Variants in ACYP2 observed in about 807,000 individuals in gnomAD.
The protein encoded by ACYP2 is acylphosphatase 2.
Under a neutral mutation model 11.2 loss-of-function variants are expected in ACYP2, and 12 were observed. The ratio of observed to expected loss-of-function variants is 1.08; its 90% CI spans 0.69 to 1.74. ACYP2 has a LOEUF of 1.74. Among genes scored for constraint, ACYP2 ranks in the 40% most tolerant of loss-of-function variants. ACYP2 has a pLI of 0.00. For missense variants in ACYP2, 134 were observed against 101.9 expected (o/e 1.31, Z -1.35); for synonymous variants, 43 against 32.2 (o/e 1.33, Z -1.13).
chr2:54,072,563 CTTCT>C (rs1200656315), intron 4 of ACYP2, among the ~76,000 whole-genome samples: 5 of 57,972 alleles, frequency 8.6e-5, no homozygotes, highest in African/African-American at 3.1e-4. Context: ...TATTTTCTTT[CTTCT>C]TTTTTTTTTT....
chr2:53,975,666 A>T (rs1302441562), intron 2 of ACYP2, among the ~76,000 whole-genome samples: 2 of 152,126 alleles, frequency 1.3e-5, no homozygotes, highest in African/African-American at 4.8e-5. Context: ...CCCCGTCTCT[A>T]CTAAAAATAC....
intron 6 of ACYP2, among the ~76,000 whole-genome samples, chr2:54,249,850 A>G (rs1313098569): frequency 6.7e-6 from 1 of 149,854 alleles, no homozygotes; most frequent in Non-Finnish European, 1.5e-5. Context: ...TGGCTGAGGC[A>G]GATCACTTGA....
At chr2:54,149,314 A>T (rs1289735366) in intron 6 of ACYP2, among the ~76,000 whole-genome samples, 1 of 152,230 alleles carries the variant, frequency 6.6e-6, no homozygotes, top group East Asian at 1.9e-4. Context: ...CTCTGTCTTT[A>T]CTAACAAGCC....
At chr2:54,120,279 A>G (rs1680073358) in intron 4 of ACYP2, among the ~76,000 whole-genome samples, 1 of 152,212 alleles carries the variant, frequency 6.6e-6, no homozygotes. Context: ...GAGGGTTAAG[A>G]GAGCTGGGGA....
intron 6 of ACYP2, chr2:54,255,442 T>A: frequency 6.2e-7 from 1 of 1,613,904 alleles, no homozygotes; most frequent in Non-Finnish European, 8.5e-7. Context: ...CTGCTCCAGG[T>A]AGTATTCATG....
intron 4 of ACYP2, among the ~76,000 whole-genome samples, chr2:54,091,630 GC>G (rs1678238904): frequency 6.6e-6 from 1 of 151,906 alleles, no homozygotes; most frequent in South Asian, 2.1e-4. Context: ...TTCTGCATCA[GC>G]CTCCTGAGTA....
chr2:54,151,197 T>C (rs902076541), intron 6 of ACYP2, among the ~76,000 whole-genome samples: 2 of 152,248 alleles, frequency 1.3e-5, no homozygotes, highest in African/African-American at 2.4e-5. Context: ...ATATGAAATT[T>C]GAACACCTTT....
At chr2:54,145,501 T>C (rs191879322) in intron 6 of ACYP2, among the ~76,000 whole-genome samples, 4 of 152,242 alleles carry the variant, frequency 2.6e-5, no homozygotes, top group African/African-American at 9.6e-5. Flanking sequence ...TATGATGGGA[T>C]TTTCAAACAC....
intron 2 of ACYP2, among the ~76,000 whole-genome samples, chr2:53,993,804 A>G (rs1672423092): frequency 6.6e-6 from 1 of 152,188 alleles, no homozygotes; most frequent in Non-Finnish European, 1.5e-5. Context: ...AGGGTTGTGG[A>G]AAAGACGTGG....
chr2:54,243,470 T>C lies in ACYP2; in HGVS notation c.405-61218T>C, dbSNP rs964533711. 5.3e-5 allele frequency among the ~76,000 whole-genome samples: 8 copies of C among 151,906 alleles called. No individual in the cohort carries two copies. The East Asian group carries it at 1.5e-3, about 29-fold the overall frequency. ...TGGGACCATTGTCATACATAGTCCA[T>C]CTTATTTATTTATTTATTTGTTCAT... On this transcript the variant is annotated intron_variant, in intron 6 of 6. Transcript: ENST00000607452.
intron 2 of ACYP2, among the ~76,000 whole-genome samples, chr2:54,043,139 A>G (rs1675333546): frequency 6.6e-6 from 1 of 152,156 alleles, no homozygotes; most frequent in Admixed American, 6.6e-5. Flanking sequence ...AGTTGTGTAC[A>G]CATAGAAAAT....
chr2:54,271,481 G>GC (rs112290481), intron 6 of ACYP2, among the ~76,000 whole-genome samples: 4,997 of 151,996 alleles, frequency 0.033, 269 homozygotes, highest in African/African-American at 0.12. Flanking sequence ...GTGTCCTGTG[G>GC]CCCCCCACCC....
At chr2:53,978,942 TAGCATATACACTCATAC>T (rs1451699774) in intron 2 of ACYP2, among the ~76,000 whole-genome samples, 1 of 151,746 alleles carries the variant, frequency 6.6e-6, no homozygotes, top group African/African-American at 2.4e-5. Flanking sequence ...AAAAAGAGTA[TAGCATATACACTCATAC>T]AGCACGTGAT....
intron 2 of ACYP2, chr2:54,029,539 C>T (rs1193224825): frequency 7.5e-6 from 3 of 400,036 alleles, no homozygotes; most frequent in African/African-American, 4.2e-5. Flanking sequence ...CCCATTGGTT[C>T]TCTCACATTG....
At chr2:54,095,469 A>G (rs1678483056) in intron 4 of ACYP2, among the ~76,000 whole-genome samples, 1 of 150,756 alleles carries the variant, frequency 6.6e-6, no homozygotes, top group Non-Finnish European at 1.5e-5. Flanking sequence ...GGCCGGGCAG[A>G]GGCGCCCCTC....
chr2:53,977,504 G>C (rs1010952477), intron 2 of ACYP2, among the ~76,000 whole-genome samples: 1 of 152,002 alleles, frequency 6.6e-6, no homozygotes, highest in African/African-American at 2.4e-5. Context: ...GGAGGCTGAG[G>C]TGGGCAGATC....
chr2:54,133,839 G>A (rs1031872273), intron 4 of ACYP2, among the ~76,000 whole-genome samples: 3 of 151,978 alleles, frequency 2.0e-5, no homozygotes, highest in African/African-American at 7.3e-5. Flanking sequence ...CCCACTCTAG[G>A]GCCCAGTTCT....
chr2:53,987,058 CAG>C (rs1185460690), intron 2 of ACYP2, among the ~76,000 whole-genome samples: 1 of 152,054 alleles, frequency 6.6e-6, no homozygotes, highest in Non-Finnish European at 1.5e-5. Context: ...ATCTTGAAAA[CAG>C]AATGTTGAAG....
rs1191880811 is a variant in ACYP2, at chr2:54,304,877, TAGC to T, written c.*78_*80del. 4 of 769,024 alleles carry T rather than the reference TAGC, an allele frequency of 5.2e-6. No homozygotes were observed. In the East Asian group the frequency reaches 1.1e-4, roughly 22 times the overall value. The allele number at this position is 769,024 out of a possible 1,614,324, so 47.6% of individuals were successfully genotyped here. A position where few individuals can be genotyped will look rare whatever the true frequency, so the allele number is the denominator to read the frequency against. On this transcript the variant is annotated 3_prime_UTR_variant, in exon 7 of 7. Coordinates refer to ENST00000607452, the MANE Select transcript of ACYP2 (RefSeq NM_001320586.2). ...AAGACTATGTATACTAGAATAATAG[TAGC>T]AGAGTAGGGTGAAAAGGAACTTTCT... is the stretch of plus-strand genomic sequence containing the variant.
Sources: gnomAD v4.1 joint callset for allele counts (sites outside exome capture counted in the v4.1 genomes callset) on GRCh38, gnomAD v4.1.1 for gene constraint, MANE v1.5 for transcripts, NCBI Gene and HGNC (gene_info 2026-07-23, HGNC 2026-07-21) for gene names.